SPATA31G1: variants seen among roughly 807,000 people sequenced by gnomAD.
The protein encoded by SPATA31G1 is SPATA31 subfamily G member 1, also known as spermatogenesis-associated protein 31G1.
the SPATA31G1 span, chr9:35,044,102 G>A: frequency 6.2e-7 from 1 of 1,614,124 alleles, no homozygotes; most frequent in Admixed American, 1.7e-5. Context: ...AGGGAGTCCT[G>A]TCTGAATCCA....
At chr9:35,042,026 A>G in the SPATA31G1 span, 2 of 604,662 alleles carry the variant, frequency 3.3e-6, no homozygotes, top group Non-Finnish European at 5.6e-6. Context: ...TCGGTGCTAG[A>G]ATCCATGTAC....
At chr9:35,045,490 GAGACCAT>G in the SPATA31G1 span, 1 of 1,614,092 alleles carries the variant, frequency 6.2e-7, no homozygotes, top group African/African-American at 1.3e-5. Context: ...CCCAAAGCAG[GAGACCAT>G]AGAAGAGGGA....
At chr9:35,042,111 C>T in the SPATA31G1 span, 16 of 1,249,564 alleles carry the variant, frequency 1.3e-5, 1 homozygote, top group Middle Eastern at 2.8e-4. Context: ...CTGTGTGAAG[C>T]ATGAATTGCC....
chr9:35,044,134 G>A, the SPATA31G1 span: 3 of 1,614,062 alleles, frequency 1.9e-6, no homozygotes, highest in Non-Finnish European at 2.5e-6. Flanking sequence ...GAGACCATGG[G>A]GCAGAAAGAG....
At chr9:35,045,196 A>T in the SPATA31G1 span, 2 of 1,614,034 alleles carry the variant, frequency 1.2e-6, no homozygotes, top group Non-Finnish European at 1.7e-6. Flanking sequence ...ACAGTACCTC[A>T]GCCTGTCCAG....
At chr9:35,045,016 A>G in the SPATA31G1 span, 7 of 1,614,236 alleles carry the variant, frequency 4.3e-6, no homozygotes, top group Non-Finnish European at 5.9e-6. Flanking sequence ...AAACTGCGGC[A>G]GAGCCCTGCC....
chr9:35,042,554 A>T, the SPATA31G1 span: 1 of 1,606,742 alleles, frequency 6.2e-7, no homozygotes, highest in Non-Finnish European at 8.5e-7. Context: ...ATTGGTATGA[A>T]TGTGGGCCCA....
chr9:35,042,465 G>A, the SPATA31G1 span: 40 of 1,614,224 alleles, frequency 2.5e-5, no homozygotes, highest in Non-Finnish European at 3.2e-5. Context: ...CTGGTGCTCT[G>A]GGAATATGGT....
chr9:35,044,751 A>C, the SPATA31G1 span: 8 of 1,614,144 alleles, frequency 5.0e-6, no homozygotes, highest in Admixed American at 1.7e-5. Context: ...TGTGTGGAGA[A>C]ATGTGCAACA....
At chr9:35,042,904 G>A in the SPATA31G1 span, 1 of 1,614,160 alleles carries the variant, frequency 6.2e-7, no homozygotes, top group Admixed American at 1.7e-5. Context: ...GATCACCTGT[G>A]TAAGCAGAAA....
the SPATA31G1 span, chr9:35,044,783 C>T: frequency 6.2e-7 from 1 of 1,614,220 alleles, no homozygotes; most frequent in Non-Finnish European, 8.5e-7. Flanking sequence ...CCCAAGGCCC[C>T]AGCCCTCTGG....
the SPATA31G1 span, chr9:35,044,896 G>A: frequency 6.2e-7 from 1 of 1,614,078 alleles, no homozygotes; most frequent in Non-Finnish European, 8.5e-7. Flanking sequence ...ACGTGCCCAG[G>A]GGTTAAGGCA....
chr9:35,045,834 A>G, the SPATA31G1 span: 1 of 1,612,576 alleles, frequency 6.2e-7, no homozygotes, highest in Non-Finnish European at 8.5e-7. Context: ...ATGCCTGGAT[A>G]ACCATCGACC....
chr9:35,044,820 C>T, the SPATA31G1 span: 1 of 1,614,170 alleles, frequency 6.2e-7, no homozygotes. Context: ...CCCAGTACCC[C>T]AGCCTCCCAC....
the SPATA31G1 span, chr9:35,042,215 AATG>A: frequency 1.2e-6 from 2 of 1,600,312 alleles, no homozygotes; most frequent in Non-Finnish European, 1.7e-6. Flanking sequence ...TCTGTGATGC[AATG>A]ATGACCTCAG....
chr9:35,043,191 C>T, the SPATA31G1 span: 1 of 1,614,220 alleles, frequency 6.2e-7, no homozygotes, highest in Non-Finnish European at 8.5e-7. Flanking sequence ...AGGGAACCGC[C>T]AGCAGCAGAG....
the SPATA31G1 span, chr9:35,041,940 G>A: frequency 1.2e-5 from 3 of 256,732 alleles, no homozygotes; most frequent in East Asian, 2.2e-4. Flanking sequence ...TAAGAAAAAT[G>A]AGGCACTGAA....
chr9:35,045,509 T>C, the SPATA31G1 span: 1 of 1,614,168 alleles, frequency 6.2e-7, no homozygotes, highest in Non-Finnish European at 8.5e-7. Context: ...GAAGAGGGAC[T>C]GCAAGGTTGG....
the SPATA31G1 span, chr9:35,044,342 G>A: frequency 1.2e-6 from 2 of 1,613,880 alleles, no homozygotes; most frequent in Non-Finnish European, 1.7e-6. Flanking sequence ...TTGCACCGGA[G>A]CTGCTCAGAG....
Sources: gnomAD v4.1 joint callset for allele counts on GRCh38, gnomAD v4.1.1 for gene constraint, MANE v1.5 for transcripts, NCBI Gene and HGNC (gene_info 2026-07-23, HGNC 2026-07-21) for gene names.